MTF1: variants seen among roughly 807,000 people sequenced by gnomAD.
MTF1 encodes the protein MRE-binding transcription factor.
A neutral mutation model predicts 70.4 loss-of-function variants in MTF1; 22 were observed. The ratio of observed to expected loss-of-function variants is 0.31; its 90% CI spans 0.22 to 0.45. The LOEUF is 0.45. Ranked by LOEUF, MTF1 falls within the 20% of genes least tolerant of loss-of-function variation. The pLI is 1.00. For synonymous variants in MTF1, 333 were observed against 352.8 expected, an observed-to-expected ratio of 0.94 and a Z score of 0.63; for missense variants, 649 against 922.0, an observed-to-expected ratio of 0.70 and a Z score of 3.83.
intron 2 of MTF1, among the ~76,000 whole-genome samples, chr1:37,849,007 A>G (rs1346264337): frequency 6.6e-6 from 1 of 152,202 alleles, no homozygotes; most frequent in Admixed American, 6.5e-5. Flanking sequence ...AAAACACTGG[A>G]GTCAGATTTT....
intron 7 of MTF1, among the ~76,000 whole-genome samples, chr1:37,831,790 A>T (rs1164397493): frequency 1.3e-5 from 2 of 152,308 alleles, no homozygotes; most frequent in Non-Finnish European, 2.9e-5. Context: ...GCACAGAAAA[A>T]AAATAAATAA....
intron 9 of MTF1, among the ~76,000 whole-genome samples, chr1:37,821,000 G>A (rs1011136997): frequency 2.0e-5 from 3 of 152,198 alleles, no homozygotes; most frequent in Non-Finnish European, 4.4e-5. Context: ...GCAACATGGC[G>A]AAACCCCGTC....
Position 37,839,904 on chromosome 1 carries a change from T to C in MTF1, c.647+16A>G, listed in dbSNP as rs765652831. ...TCAAGGTCAGAGGCTGGCAGAGCAT[T>C]GGAGACGAGACTGACCTGTACAGTG... On this transcript the variant is annotated intron_variant, in intron 3 of 10. Transcript: ENST00000373036. 2 of 1,598,668 alleles carry C rather than the reference T, an allele frequency of 1.3e-6. No individual in the cohort carries two copies. The highest frequency in any genetic ancestry group is 1.3e-5 in the African/African-American group (1 of 74,620).
intron 9 of MTF1, among the ~76,000 whole-genome samples, chr1:37,819,951 C>CAAAAAAAA (rs766621404): frequency 3.4e-4 from 28 of 82,678 alleles, no homozygotes; most frequent in South Asian, 4.7e-4. Flanking sequence ...GACTCTGACT[C>CAAAAAAAA]AAAAAAAAAA....
chr1:37,846,147 T>G (rs1032789223), intron 2 of MTF1, among the ~76,000 whole-genome samples: 1 of 152,198 alleles, frequency 6.6e-6, no homozygotes, highest in Non-Finnish European at 1.5e-5. Flanking sequence ...TATACTGTCC[T>G]GGGTGCTAGG....
intron 8 of MTF1, among the ~76,000 whole-genome samples, chr1:37,823,000 T>C (rs1640942116): frequency 6.6e-6 from 1 of 152,234 alleles, no homozygotes; most frequent in Admixed American, 6.5e-5. Flanking sequence ...CATCCTTTTT[T>C]TGACATGACT....
chr1:37,836,425 G>T (rs1641171718), intron 4 of MTF1, among the ~76,000 whole-genome samples: 1 of 152,130 alleles, frequency 6.6e-6, no homozygotes, highest in Non-Finnish European at 1.5e-5. Flanking sequence ...TACATGGCTT[G>T]CAATGTAACA....
In MTF1 at chr1:37,843,253, G is replaced by A. The variant is rs190658171; in HGVS notation, c.409-3095C>T. 7.9e-5 allele frequency among the ~76,000 whole-genome samples: 12 copies of A among 151,182 alleles called. No homozygotes were observed. In the East Asian group the frequency reaches 2.3e-3, roughly 29 times the overall value. On this transcript the variant is annotated intron_variant, in intron 2 of 10. Transcript: ENST00000373036. ...TGGCCCCAAGCAGTCCTCCTGCCTC[G>A]GCATCCCAAAGCAATAGGACTACAG...
Position 37,822,951 on chromosome 1 carries a change from A to C in MTF1, c.1172-235T>G, listed in dbSNP as rs1640941237. On this transcript the variant is annotated intron_variant, in intron 8 of 10. Coordinates refer to ENST00000373036, the MANE Select transcript of MTF1 (RefSeq NM_005955.3). Reference sequence around the variant, plus strand: ...AGACCCAATATAGTTCTAACCATTTAAAAAAGTGTCTTAAGGCTTTTCTGG... The same window carrying C: ...AGACCCAATATAGTTCTAACCATTTCAAAAAGTGTCTTAAGGCTTTTCTGG... 2.6e-5 allele frequency among the ~76,000 whole-genome samples: 4 copies of C among 152,238 alleles called. 1 individual carries two copies. In the South Asian group the frequency reaches 8.3e-4, roughly 31 times the overall value.
At chr1:37,851,696 C>T (rs141574746) in intron 2 of MTF1, among the ~76,000 whole-genome samples, 1 of 152,262 alleles carries the variant, frequency 6.6e-6, no homozygotes, top group East Asian at 1.9e-4. Context: ...CCCGAACATT[C>T]GCTCATGAAA....
At position 37,840,514 on chromosome 1, in the gene MTF1, C is replaced by T. The variant is rs1641239672; in HGVS notation, c.409-356G>A. On this transcript the variant is annotated intron_variant, in intron 2 of 10. Coordinates refer to ENST00000373036, the MANE Select transcript of MTF1 (RefSeq NM_005955.3). This position sits in a 1 kb window ranked among gnomAD's most constrained non-coding sequence, Gnocchi z 4.5. ...AACTTTGTTTTAAGGCTTGACTAAA[C>T]ACCCTGACCTCCAGAACTACAACTT... 4.3e-6 allele frequency: 2 copies of T among 466,540 alleles called. No individual in the cohort carries two copies. The highest frequency in any genetic ancestry group is 8.5e-6 in the Non-Finnish European group (2 of 234,290). 28.9% of individuals were successfully genotyped at this position (466,540 alleles called of 1,614,324 possible).
In MTF1 at chr1:37,812,126, G is replaced by A. The variant is rs1000513224; in HGVS notation, c.*3010C>T. ...GTGAAAATGGTTAAGTTTACTATGG[G>A]AGGGGAAAAAGGCTTGATTTTTACC... On this transcript the variant is annotated 3_prime_UTR_variant, in exon 11 of 11. Coordinates refer to ENST00000373036, the MANE Select transcript of MTF1 (RefSeq NM_005955.3). The A allele has an allele frequency of 3.3e-5, 5 of 152,498 alleles. No homozygotes were observed. Among genetic ancestry groups the A allele is most frequent in the Middle Eastern group, 3.2e-3 (1 of 316 alleles). 9.4% of individuals were successfully genotyped at this position (152,498 alleles called of 1,614,324 possible).
chr1:37,838,490 G>A (rs1396483148), intron 4 of MTF1, 135 bp downstream of exon 4: 1 of 643,620 alleles, frequency 1.6e-6, no homozygotes, highest in Non-Finnish European at 2.5e-6. Flanking sequence ...GGTTATAGCT[G>A]TCCTGGGGTG....
intron 9 of MTF1, 112 bp from the exon 10 acceptor site, chr1:37,817,594 T>C (rs1263670189): frequency 1.3e-6 from 1 of 766,814 alleles, no homozygotes; most frequent in African/African-American, 1.7e-5. Flanking sequence ...AAACCCTTAG[T>C]GTTCAGGGAT....
chr1:37,851,062 T>A (rs1057168259), intron 2 of MTF1, among the ~76,000 whole-genome samples: 3 of 152,220 alleles, frequency 2.0e-5, no homozygotes, highest in African/African-American at 7.2e-5. Flanking sequence ...AAGTGGATTT[T>A]AATGCCAAAA....
At chr1:37,856,524 G>A (rs1306894914) in intron 2 of MTF1, among the ~76,000 whole-genome samples, 19 of 142,044 alleles carry the variant, frequency 1.3e-4, no homozygotes, top group African/African-American at 4.4e-4. Context: ...TTTTTAGATG[G>A]AGTCTCACTC....
At chr1:37,818,913 A>G (rs1640865206) in intron 9 of MTF1, among the ~76,000 whole-genome samples, 2 of 151,742 alleles carry the variant, frequency 1.3e-5, no homozygotes, top group Non-Finnish European at 2.9e-5. Flanking sequence ...GAATGGTGTG[A>G]ACCTGGGAGG....
chr1:37,824,059 G>T (rs1345635914), intron 7 of MTF1, among the ~76,000 whole-genome samples: 1 of 151,994 alleles, frequency 6.6e-6, no homozygotes, highest in Non-Finnish European at 1.5e-5. Flanking sequence ...TGCCCAGGCT[G>T]GTCTTGAACT....
chr1:37,844,235 G>C (rs1641299142), intron 2 of MTF1, among the ~76,000 whole-genome samples: 1 of 152,166 alleles, frequency 6.6e-6, no homozygotes, highest in African/African-American at 2.4e-5. Context: ...AGGCCTATAA[G>C]CAACAGTACA....
Sources: gnomAD v4.1 joint callset for allele counts (sites outside exome capture counted in the v4.1 genomes callset) on GRCh38, gnomAD v4.1.1 for gene constraint, Gnocchi (gnomAD v3.1) non-coding constraint, MANE v1.5 for transcripts, NCBI Gene and HGNC (gene_info 2026-07-23, HGNC 2026-07-21) for gene names.